The following DYNC2H1 variants were observed in gnomAD, a reference collection of about 807,000 sequenced individuals.
The protein encoded by DYNC2H1 is cytoplasmic dynein 2 heavy chain 1.
In DYNC2H1, 410 loss-of-function variants were observed where a neutral mutation model predicts 570.0. The ratio of observed to expected loss-of-function variants is 0.72; its 90% CI spans 0.66 to 0.78. The LOEUF is 0.78. Among genes scored for constraint, DYNC2H1 ranks in the 30% least tolerant of loss-of-function variants. The pLI is 0.00. For synonymous variants in DYNC2H1, 1,688 were observed against 1,677.6 expected, an observed-to-expected ratio of 1.01 and a Z score of -0.15; for missense variants, 4,865 against 5,046.4, an observed-to-expected ratio of 0.96 and a Z score of 1.09.
At position 103,275,530 on chromosome 11, in the gene DYNC2H1, A is replaced by T. The variant is rs934806248; in HGVS notation, c.10696-4818A>T. ...CTCACTTAACCCCTGGCAAACGCTGATCCTTTTACTGCCTATAGTTTTGCC... is the reference window on the plus strand; with the variant it reads ...CTCACTTAACCCCTGGCAAACGCTGTTCCTTTTACTGCCTATAGTTTTGCC... On this transcript the variant is annotated intron_variant, in intron 70 of 88. Transcript: ENST00000375735. This position sits in a 1 kb window ranked among gnomAD's most constrained non-coding sequence, Gnocchi z 4.8. 4.6e-5 allele frequency among the ~76,000 whole-genome samples: 7 copies of T among 152,180 alleles called. No homozygotes were observed. Among genetic ancestry groups the T allele is most frequent in the Non-Finnish European group, 1.0e-4 (7 of 68,034 alleles).
rs1195198880 is a variant in DYNC2H1, at chr11:103,109,485, G to T, written c.-90G>T. ...GGTCCCGCGGTCGGGCTACGGGTTT[G>T]AGCAAAGCTCCTCTCTTCCCTTCAC... On this transcript the variant is annotated 5_prime_UTR_variant, in exon 1 of 89. Transcript: ENST00000375735. 1.5e-6 allele frequency: 2 copies of T among 1,321,776 alleles called. No individual in the cohort carries two copies. The highest frequency in any genetic ancestry group is 1.4e-5 in the South Asian group (1 of 70,854). The allele number at this position is 1,321,776 out of a possible 1,614,324, so 81.9% of individuals were successfully genotyped here.
intron 84 of DYNC2H1, among the ~76,000 whole-genome samples, chr11:103,424,624 T>G (rs1413999798): frequency 6.7e-6 from 1 of 149,756 alleles, no homozygotes; most frequent in Non-Finnish European, 1.5e-5. Context: ...TACTCAGAAA[T>G]TCAAACAATG....
intron 40 of DYNC2H1, among the ~76,000 whole-genome samples, chr11:103,183,960 G>A (rs1034883576): frequency 6.6e-6 from 1 of 151,914 alleles, no homozygotes; most frequent in East Asian, 1.9e-4. Context: ...TCTGCACTCT[G>A]GCCCTTGCCT....
chr11:103,192,207 A>G lies in DYNC2H1; in HGVS notation c.7651A>G (p.Ile2551Val), dbSNP rs1862344596. The change falls in exon 47 of 89, where the codon ATT becomes GTT. Residue 2551 changes from isoleucine (I) to valine (V), a missense_variant. By Grantham distance (29) the Ile-to-Val change is conservative. Transcript: ENST00000375735. The stretch of plus-strand genomic sequence containing the variant: ...AAAGGAACTTCATTTATTTGACATC[A>G]TTTTAACATCAGTGTTTCAAGGAGA... ...GAKELHLFDI[I>V]LTSVFQGDWG... The G allele has an allele frequency of 1.3e-6, 2 of 1,591,568 alleles. No individual in the cohort carries two copies. The highest frequency in any genetic ancestry group is 1.7e-6 in the Non-Finnish European group (2 of 1,166,226).
intron 47 of DYNC2H1, among the ~76,000 whole-genome samples, chr11:103,194,944 C>T (rs1862462514): frequency 6.6e-6 from 1 of 152,126 alleles, no homozygotes; most frequent in South Asian, 2.1e-4. Context: ...TTTTGAACTC[C>T]TGACCTGAAA....
At chr11:103,135,054 G>A (rs1859467158) in intron 15 of DYNC2H1, among the ~76,000 whole-genome samples, 1 of 152,036 alleles carries the variant, frequency 6.6e-6, no homozygotes, top group African/African-American at 2.4e-5. Flanking sequence ...AAATTCTTAT[G>A]AGCAATCTAA....
intron 5 of DYNC2H1, among the ~76,000 whole-genome samples, chr11:103,117,270 ATT>A (rs914192330): frequency 1.2e-4 from 18 of 146,850 alleles, no homozygotes; most frequent in Non-Finnish European, 2.1e-4. Flanking sequence ...ATATATATAT[ATT>A]TTTTAATATA....
In DYNC2H1 at chr11:103,399,854, T is replaced by C. The variant is rs747346760; in HGVS notation, c.12348T>C (p.Ser4116=). Residue 4116 remains serine (S), a synonymous_variant, in exon 84 of 89, where the codon AGT becomes AGC. Transcript: ENST00000375735. Reference sequence around the variant, plus strand: ...GTTCAGAAGTACAAAAATTGGCAAGTGCTTTATTAAACCAAAAGGTAAGCG... The same window carrying C: ...GTTCAGAAGTACAAAAATTGGCAAGCGCTTTATTAAACCAAAAGGTAAGCG... ...LLSSEVQKLA[S]ALLNQKCPLA... 4.3e-6 allele frequency: 7 copies of C among 1,613,694 alleles called. No homozygotes were observed. The South Asian group carries it at 4.4e-5, about 10-fold the overall frequency.
At chr11:103,321,516 C>G (rs112408942) in intron 81 of DYNC2H1, among the ~76,000 whole-genome samples, 1 of 152,136 alleles carries the variant, frequency 6.6e-6, no homozygotes, top group African/African-American at 2.4e-5. Flanking sequence ...TAAGGTAGGA[C>G]TGCTGTGAAA....
intron 59 of DYNC2H1, among the ~76,000 whole-genome samples, chr11:103,223,834 G>C (rs1291324432): frequency 6.8e-6 from 1 of 147,960 alleles, no homozygotes; most frequent in Non-Finnish European, 1.5e-5. Context: ...TTCAACCTCC[G>C]CCTCCCGGGT....
At chr11:103,197,550 T>C (rs1363485856) in intron 47 of DYNC2H1, among the ~76,000 whole-genome samples, 1 of 152,082 alleles carries the variant, frequency 6.6e-6, no homozygotes, top group East Asian at 1.9e-4. Context: ...TGGGCTCAAG[T>C]GATCCTCTTG....
chr11:103,391,694 T>G (rs1446907540), intron 83 of DYNC2H1, among the ~76,000 whole-genome samples: 1 of 152,232 alleles, frequency 6.6e-6, no homozygotes, highest in Non-Finnish European at 1.5e-5. Flanking sequence ...GTCCCTTCTG[T>G]TTGTTAGTTT....
intron 87 of DYNC2H1, among the ~76,000 whole-genome samples, chr11:103,458,208 A>G (rs1015179168): frequency 2.6e-5 from 4 of 152,148 alleles, no homozygotes; most frequent in African/African-American, 9.7e-5. Flanking sequence ...TCTTTACTGT[A>G]TATTTTCTAT....
At chr11:103,400,337 CAG>C in intron 84 of DYNC2H1, among the ~76,000 whole-genome samples, 1 of 152,210 alleles carries the variant, frequency 6.6e-6, no homozygotes, top group Admixed American at 6.5e-5. Flanking sequence ...TCTCACTGAC[CAG>C]AGCTTCAGCC....
chr11:103,147,588 A>C (rs2134850758), intron 18 of DYNC2H1, among the ~76,000 whole-genome samples, 184 bp from the exon 19 acceptor site: 1 of 152,262 alleles, frequency 6.6e-6, no homozygotes, highest in Middle Eastern at 3.4e-3. Flanking sequence ...CTCAATGAAA[A>C]ACTTCAAAAT....
In DYNC2H1 at chr11:103,479,742, T is replaced by C. The variant is rs1261797529; in HGVS notation, c.*489T>C. 1 of 151,888 alleles carries C rather than the reference T, an allele frequency of 6.6e-6. No homozygotes were observed. Among genetic ancestry groups the C allele is most frequent in the Non-Finnish European group, 1.5e-5 (1 of 67,978 alleles). 9.4% of individuals were successfully genotyped at this position (151,888 alleles called of 1,614,324 possible). A position where few individuals can be genotyped will look rare whatever the true frequency, so the allele number is the denominator to read the frequency against. ...CTATGCTAATTATAATATACAAATATATAATTATTGTCATAATTATATACT... is the reference window on the plus strand; with the variant it reads ...CTATGCTAATTATAATATACAAATACATAATTATTGTCATAATTATATACT... On this transcript the variant is annotated 3_prime_UTR_variant, in exon 89 of 89. Transcript: ENST00000375735.
Position 103,377,587 on chromosome 11 carries a change from A to G in DYNC2H1, c.12156+19228A>G, listed in dbSNP as rs927372217. On this transcript the variant is annotated intron_variant, in intron 83 of 88. Transcript: ENST00000375735. ...TTTAGTTATATAATTCTGTTTTTAAATGTCTAAACTAAAAATGAAACTAAT... is the reference window on the plus strand; with the variant it reads ...TTTAGTTATATAATTCTGTTTTTAAGTGTCTAAACTAAAAATGAAACTAAT... Among the ~76,000 whole-genome samples the G allele has an allele frequency of 7.2e-5, 11 of 152,274 alleles. 1 individual carries two copies.
rs1285594389 is a variant in DYNC2H1 at position 103,199,512 on chromosome 11, T to G, written c.8088+36T>G. 3 of 1,481,686 alleles carry G rather than the reference T, an allele frequency of 2.0e-6. No homozygotes were observed. The highest frequency in any genetic ancestry group is 2.7e-6 in the Non-Finnish European group (3 of 1,115,008). 91.8% of individuals were successfully genotyped at this position (1,481,686 alleles called of 1,614,324 possible). ...CACTCTCTTTTGCTTTATTTGGTTT[T>G]AAATTACATTGGTTATTACTCTAAA... On this transcript the variant is annotated intron_variant, in intron 49 of 88. Coordinates refer to ENST00000375735, the MANE Select transcript of DYNC2H1 (RefSeq NM_001377.3). The surrounding 1 kb of genome is among the most constrained non-coding windows in gnomAD (Gnocchi z 4.6).
At chr11:103,370,395 C>T (rs1451864207) in intron 83 of DYNC2H1, among the ~76,000 whole-genome samples, 4 of 152,214 alleles carry the variant, frequency 2.6e-5, no homozygotes, top group Non-Finnish European at 4.4e-5. Context: ...CTTGGGGAAG[C>T]TCACCAACCT....
Sources: gnomAD v4.1 joint callset for allele counts (sites outside exome capture counted in the v4.1 genomes callset) on GRCh38, gnomAD v4.1.1 for gene constraint, Gnocchi (gnomAD v3.1) non-coding constraint, MANE v1.5 for transcripts, NCBI Gene and HGNC (gene_info 2026-07-23, HGNC 2026-07-21) for gene names.